The following KCNIP4 variants were observed in gnomAD, a reference collection of about 807,000 sequenced individuals.
The protein encoded by KCNIP4 is potassium voltage-gated channel interacting protein 4.
KCNIP4 carries 12 observed loss-of-function variants against 34.0 expected under a neutral mutation model. That is an observed-to-expected ratio of 0.35 (90% confidence interval 0.23 to 0.57). The LOEUF (loss-of-function observed/expected upper bound fraction) is 0.57, where lower values mean the gene tolerates loss of function less well. Ranked by LOEUF, KCNIP4 falls within the 20% of genes least tolerant of loss-of-function variation. KCNIP4 has a pLI of 0.83. For synonymous variants in KCNIP4, 124 were observed against 102.2 expected (o/e 1.21, Z -1.29); for missense variants, 238 against 311.7 (o/e 0.76, Z 1.78).
chr4:20,867,894 T>TG (rs1047102324), intron 2 of KCNIP4, among the ~76,000 whole-genome samples: 16 of 150,320 alleles, frequency 1.1e-4, no homozygotes, highest in Non-Finnish European at 2.4e-4. Flanking sequence ...GTGGAGGGAG[T>TG]GGGGAGGGAT....
chr4:21,782,080 A>G (rs1032483837), intron 1 of KCNIP4, among the ~76,000 whole-genome samples: 7 of 152,160 alleles, frequency 4.6e-5, no homozygotes, highest in African/African-American at 1.7e-4. Context: ...ATTATAATAA[A>G]AGACTTAAGC....
chr4:21,019,114 T>C (rs1739814703), intron 1 of KCNIP4, among the ~76,000 whole-genome samples: 1 of 152,154 alleles, frequency 6.6e-6, no homozygotes, highest in Non-Finnish European at 1.5e-5. Context: ...CTACACATTG[T>C]CTTCCCTCTG....
At chr4:21,899,737 A>G (rs1452721978) in intron 1 of KCNIP4, among the ~76,000 whole-genome samples, 2 of 152,132 alleles carry the variant, frequency 1.3e-5, no homozygotes, top group African/African-American at 4.8e-5. Flanking sequence ...AATTAAAGAA[A>G]GGAAGGAACT....
intron 1 of KCNIP4, among the ~76,000 whole-genome samples, chr4:21,650,682 T>C (rs1747416606): frequency 6.6e-6 from 1 of 152,152 alleles, no homozygotes; most frequent in Admixed American, 6.6e-5. Context: ...AAACTTAGTA[T>C]CTTAAAACAA....
intron 2 of KCNIP4, among the ~76,000 whole-genome samples, chr4:20,855,508 T>C (rs945790824): frequency 6.6e-6 from 1 of 152,156 alleles, no homozygotes; most frequent in Non-Finnish European, 1.5e-5. Context: ...CGAGCCATTT[T>C]TGACACTAAT....
chr4:21,100,684 C>T (rs915070579), intron 1 of KCNIP4, among the ~76,000 whole-genome samples: 15 of 152,146 alleles, frequency 9.9e-5, no homozygotes, highest in Non-Finnish European at 2.1e-4. Flanking sequence ...GCTGAAGGCT[C>T]AGATGATCAT....
chr4:21,556,934 A>AAC (rs1410635290), intron 1 of KCNIP4, among the ~76,000 whole-genome samples: 3 of 149,890 alleles, frequency 2.0e-5, no homozygotes, highest in Non-Finnish European at 3.0e-5. Flanking sequence ...AAAAAAAAAA[A>AAC]AAAAAAAAAC....
Position 21,262,221 on chromosome 4 carries a change from G to T in KCNIP4, c.62-379512C>A, listed in dbSNP as rs188882492. The stretch of plus-strand genomic sequence containing the variant: ...TGCTCATCTTTCAGGTCTTGGTTTT[G>T]ATGTCATCTCATCAGATACCACCCC... On this transcript the variant is annotated intron_variant, in intron 1 of 8. Transcript: ENST00000382152. 2.6e-5 allele frequency among the ~76,000 whole-genome samples: 4 copies of T among 151,956 alleles called. 1 individual carries two copies. Among genetic ancestry groups the T allele is most frequent in the Admixed American group, 2.0e-4 (3 of 15,254 alleles).
intron 1 of KCNIP4, among the ~76,000 whole-genome samples, chr4:21,061,553 A>G (rs1166552927): frequency 1.3e-5 from 2 of 152,132 alleles, no homozygotes; most frequent in African/African-American, 4.8e-5. Flanking sequence ...AAGCAAGTAG[A>G]AAGGGGTTTA....
chr4:20,929,200 T>C (rs1281352725), intron 1 of KCNIP4, among the ~76,000 whole-genome samples: 2 of 151,944 alleles, frequency 1.3e-5, no homozygotes, highest in Non-Finnish European at 1.5e-5. Flanking sequence ...ATAGGATTTA[T>C]CCCTAGCATG....
chr4:21,589,483 A>G (rs1254472341), intron 1 of KCNIP4, among the ~76,000 whole-genome samples: 3 of 151,290 alleles, frequency 2.0e-5, no homozygotes, highest in Non-Finnish European at 4.4e-5. Flanking sequence ...CTAGACCACA[A>G]TCTAACTGGG....
chr4:21,200,188 T>TA (rs1213841966), intron 1 of KCNIP4, among the ~76,000 whole-genome samples: 73 of 151,004 alleles, frequency 4.8e-4, no homozygotes, highest in Non-Finnish European at 1.3e-4. Flanking sequence ...TTTAAAGTAT[T>TA]AAAAAAAAGA....
At chr4:21,305,576 T>C (rs1325318753) in intron 1 of KCNIP4, among the ~76,000 whole-genome samples, 1 of 152,120 alleles carries the variant, frequency 6.6e-6, no homozygotes. Flanking sequence ...TCAGAAACCT[T>C]CCATGGCTCC....
intron 1 of KCNIP4, among the ~76,000 whole-genome samples, chr4:21,871,859 T>C (rs1000754502): frequency 6.9e-6 from 1 of 145,352 alleles, no homozygotes; most frequent in Admixed American, 7.0e-5. Context: ...CTCTTCTCCT[T>C]GGCTTTGATT....
chr4:21,926,361 C>T (rs1233153957), intron 1 of KCNIP4, among the ~76,000 whole-genome samples: 2 of 152,162 alleles, frequency 1.3e-5, no homozygotes, highest in Non-Finnish European at 1.5e-5. Context: ...ACAAATTAAA[C>T]TCCATTACTT....
In KCNIP4 at chr4:21,274,993, A is replaced by G. The variant is rs536937218; in HGVS notation, c.62-392284T>C. 8.4e-4 allele frequency among the ~76,000 whole-genome samples: 128 copies of G among 152,294 alleles called. 1 individual carries two copies. In the Middle Eastern group the frequency reaches 0.014, roughly 16 times the overall value. On this transcript the variant is annotated intron_variant, in intron 1 of 8. Transcript: ENST00000382152. ...TAAAAGAAATTGATCCTCTAATCCCATGGCACTCAAACCTAAAGCCATTAC... is the reference window on the plus strand; with the variant it reads ...TAAAAGAAATTGATCCTCTAATCCCGTGGCACTCAAACCTAAAGCCATTAC...
intron 1 of KCNIP4, among the ~76,000 whole-genome samples, chr4:21,679,696 T>A (rs1355972263): frequency 1.3e-5 from 2 of 152,228 alleles, no homozygotes; most frequent in Non-Finnish European, 2.9e-5. Flanking sequence ...ATATTGCAGG[T>A]TCCATTATAG....
chr4:21,085,915 C>T (rs1746386058), intron 1 of KCNIP4, among the ~76,000 whole-genome samples: 1 of 152,156 alleles, frequency 6.6e-6, no homozygotes, highest in Non-Finnish European at 1.5e-5. Flanking sequence ...AACTCCACTG[C>T]ATTTCCAGGT....
chr4:21,244,095 G>A (rs1014142011), intron 1 of KCNIP4, among the ~76,000 whole-genome samples: 9 of 152,120 alleles, frequency 5.9e-5, no homozygotes, highest in African/African-American at 2.2e-4. Flanking sequence ...TTAACAAAAT[G>A]TTCATTTTTA....
Sources: gnomAD v4.1 joint callset for allele counts (sites outside exome capture counted in the v4.1 genomes callset) on GRCh38, gnomAD v4.1.1 for gene constraint, MANE v1.5 for transcripts, NCBI Gene and HGNC (gene_info 2026-07-23, HGNC 2026-07-21) for gene names.